Variants in KCNMB4 observed in about 807,000 individuals in gnomAD.
The protein encoded by KCNMB4 is potassium calcium-activated channel subfamily M regulatory beta subunit 4, also known as calcium-activated potassium channel subunit beta-4.
A neutral mutation model predicts 20.7 loss-of-function variants in KCNMB4; 3 were observed. The observed-to-expected ratio is 0.14, with a 90% CI of 0.07 to 0.37. The LOEUF is 0.37. KCNMB4 is among the 10% of genes least tolerant of loss of function. KCNMB4 has a pLI of 1.00. For synonymous variants in KCNMB4, 110 were observed against 113.4 expected (o/e 0.97, Z 0.19); for missense variants, 168 against 265.9 (o/e 0.63, Z 2.56).
At chr12:70,409,994 G>A (rs1305572099) in intron 2 of KCNMB4, among the ~76,000 whole-genome samples, 1 of 152,176 alleles carries the variant, frequency 6.6e-6, no homozygotes, top group East Asian at 1.9e-4. Context: ...TATTCCAGCT[G>A]CATCAGTCAC....
At chr12:70,413,281 C>G (rs993787931) in intron 2 of KCNMB4, among the ~76,000 whole-genome samples, 1 of 152,210 alleles carries the variant, frequency 6.6e-6, no homozygotes, top group Non-Finnish European at 1.5e-5. Context: ...CATCTTCTAA[C>G]AGCTTTTATC....
chr12:70,384,770 C>G (rs4761139), intron 1 of KCNMB4, among the ~76,000 whole-genome samples: 56 of 147,398 alleles, frequency 3.8e-4, no homozygotes, highest in African/African-American at 1.4e-3. Context: ...ACCTGTAGTT[C>G]TAGCAAGACG....
chr12:70,407,689 G>A (rs1035179384), intron 2 of KCNMB4, among the ~76,000 whole-genome samples: 3 of 151,326 alleles, frequency 2.0e-5, no homozygotes, highest in East Asian at 2.0e-4. Flanking sequence ...GGATGGTCTC[G>A]ATCTCCTGAC....
chr12:70,396,968 G>A (rs953217407), intron 1 of KCNMB4, among the ~76,000 whole-genome samples: 1 of 152,184 alleles, frequency 6.6e-6, no homozygotes. Context: ...AAGGAATCTA[G>A]GGAGGATCTG....
intron 2 of KCNMB4, among the ~76,000 whole-genome samples, chr12:70,407,460 C>CTTTTTTTTTTT (rs35371839): frequency 3.1e-5 from 2 of 64,184 alleles, no homozygotes; most frequent in East Asian, 6.1e-4. Context: ...GTGCTGAATT[C>CTTTTTTTTTTT]TTTTTTTTTT....
At chr12:70,406,427 A>T (rs1229569499) in intron 2 of KCNMB4, among the ~76,000 whole-genome samples, 1 of 152,196 alleles carries the variant, frequency 6.6e-6, no homozygotes, top group Non-Finnish European at 1.5e-5. Context: ...TGTTGGAGGG[A>T]GAGAGAAAAA....
At chr12:70,372,737 A>G (rs1185715318) in intron 1 of KCNMB4, among the ~76,000 whole-genome samples, 1 of 152,224 alleles carries the variant, frequency 6.6e-6, no homozygotes, top group Non-Finnish European at 1.5e-5. Flanking sequence ...CAAGGAAATT[A>G]TTACCTAGCA....
At chr12:70,400,124 T>C in intron 1 of KCNMB4, 85 bp from the exon 2 acceptor site, 1 of 1,072,550 alleles carries the variant, frequency 9.3e-7, no homozygotes. Flanking sequence ...TTACTGTCTT[T>C]ATAATGCCAT....
intron 1 of KCNMB4, among the ~76,000 whole-genome samples, chr12:70,399,452 T>C (rs918248131): frequency 2.0e-5 from 3 of 152,244 alleles, no homozygotes; most frequent in Non-Finnish European, 4.4e-5. Flanking sequence ...TTGCGTCTGC[T>C]GTATTGCAAA....
At chr12:70,371,979 A>C (rs1428340114) in intron 1 of KCNMB4, among the ~76,000 whole-genome samples, 2 of 152,226 alleles carry the variant, frequency 1.3e-5, no homozygotes, top group East Asian at 3.9e-4. Flanking sequence ...TCTTTTGGAC[A>C]GGGTGGTCAG....
Position 70,366,753 on chromosome 12 carries a change from G to T in KCNMB4, c.19G>T (p.Ala7Ser). ...GGGGGCGATGGCGAAGCTCCGGGTGGCTTACGAGTACACGGAAGCCGAGGA... is the reference window on the plus strand; with the variant it reads ...GGGGGCGATGGCGAAGCTCCGGGTGTCTTACGAGTACACGGAAGCCGAGGA... Reference protein sequence around the residue: MAKLRVAYEYTEAEDKS... With the variant: MAKLRVSYEYTEAEDKS... The change falls in exon 1 of 3, where the codon GCT becomes TCT. Residue 7 changes from alanine (A) to serine (S), a missense_variant. By Grantham distance (99) the Ala-to-Ser change is moderately conservative. Transcript: ENST00000258111. The T allele has an allele frequency of 6.2e-7, 1 of 1,604,104 alleles. No homozygotes were observed.
intron 1 of KCNMB4, among the ~76,000 whole-genome samples, chr12:70,399,453 G>A (rs1868397668): frequency 6.6e-6 from 1 of 152,232 alleles, no homozygotes; most frequent in Non-Finnish European, 1.5e-5. Flanking sequence ...TGCGTCTGCT[G>A]TATTGCAAAC....
chr12:70,381,351 C>G (rs554008965), intron 1 of KCNMB4, among the ~76,000 whole-genome samples: 1 of 152,238 alleles, frequency 6.6e-6, no homozygotes, highest in Admixed American at 6.5e-5. Flanking sequence ...TAAACAGTTG[C>G]CATGTGACCA....
chr12:70,379,756 C>G (rs1883752062), intron 1 of KCNMB4, among the ~76,000 whole-genome samples: 1 of 152,208 alleles, frequency 6.6e-6, no homozygotes, highest in African/African-American at 2.4e-5. Flanking sequence ...TTTCTTAAAC[C>G]TCATGAATGA....
chr12:70,404,924 G>C (rs972448520), intron 2 of KCNMB4, among the ~76,000 whole-genome samples: 11 of 152,184 alleles, frequency 7.2e-5, no homozygotes, highest in Admixed American at 5.9e-4. Context: ...TGCATATTGT[G>C]AACATTTAGA....
In KCNMB4 at chr12:70,378,043, G is replaced by A. The variant is rs530767722; in HGVS notation, c.336+10973G>A. On this transcript the variant is annotated intron_variant, in intron 1 of 2. Transcript: ENST00000258111. ...CGTCTCACTGCAGCCTCCACCTCGC[G>A]AGTTCAAGTGACTCTCCTGCGTCAG... Among the ~76,000 whole-genome samples, 12 of 150,668 alleles carry A rather than the reference G, an allele frequency of 8.0e-5. No individual in the cohort carries two copies. In the South Asian group the frequency reaches 8.4e-4, roughly 11 times the overall value.
Position 70,367,083 on chromosome 12 carries a change from C to T in KCNMB4, c.336+13C>T. On this transcript the variant is annotated intron_variant, in intron 1 of 2. Coordinates refer to ENST00000258111, the MANE Select transcript of KCNMB4 (RefSeq NM_014505.6). Reference sequence around the variant, plus strand: ...GACCAACCCCAAGGTAAGAACGCCCCGCGCACCCAGGGGCTCCCCGCGAGG... The same window carrying T: ...GACCAACCCCAAGGTAAGAACGCCCTGCGCACCCAGGGGCTCCCCGCGAGG... 1 of 1,495,680 alleles carries T rather than the reference C, an allele frequency of 6.7e-7. No homozygotes were observed. The highest frequency in any genetic ancestry group is 2.1e-5 in the Admixed American group (1 of 48,414). 92.7% of individuals were successfully genotyped at this position (1,495,680 alleles called of 1,614,324 possible).
intron 1 of KCNMB4, among the ~76,000 whole-genome samples, chr12:70,395,704 T>C (rs1433481442): frequency 6.6e-6 from 1 of 152,234 alleles, no homozygotes; most frequent in African/African-American, 2.4e-5. Context: ...ACTTTGTTCA[T>C]GAATGCAAAA....
chr12:70,417,763 T>C (rs1334851477), intron 2 of KCNMB4, among the ~76,000 whole-genome samples: 1 of 152,220 alleles, frequency 6.6e-6, no homozygotes, highest in Non-Finnish European at 1.5e-5. Context: ...GATTTTCACT[T>C]TCTTCTTTGA....
Sources: allele counts gnomAD v4.1 joint callset (sites outside exome capture counted in the v4.1 genomes callset), GRCh38; gene constraint gnomAD v4.1.1; transcripts MANE v1.5; gene names NCBI Gene and HGNC (gene_info 2026-07-23, HGNC 2026-07-21).